Variants in ACVR2A observed in about 807,000 individuals in gnomAD.
ACVR2A encodes the protein activin A receptor type 2A, also known as activin receptor type-2A.
In ACVR2A, 7 loss-of-function variants were observed where a neutral mutation model predicts 61.4. The observed-to-expected ratio is 0.11, with a 90% CI of 0.06 to 0.21. The LOEUF (loss-of-function observed/expected upper bound fraction) is 0.21. Ranked by LOEUF, ACVR2A falls within the 10% of genes least tolerant of loss-of-function variation. The probability of loss-of-function intolerance (pLI) is 1.00; values close to 1 mark genes in which losing one functional copy is unlikely to be tolerated. For missense variants in ACVR2A, 322 were observed against 621.7 expected, an observed-to-expected ratio of 0.52 and a Z score of 5.13; for synonymous variants, 193 against 208.3, an observed-to-expected ratio of 0.93 and a Z score of 0.63.
chr2:147,867,149 T>G (rs1685877127), intron 1 of ACVR2A, among the ~76,000 whole-genome samples: 1 of 152,208 alleles, frequency 6.6e-6, no homozygotes, highest in South Asian at 2.1e-4. Flanking sequence ...TTTGTAACTT[T>G]ACCAAGAGAC....
intron 9 of ACVR2A, among the ~76,000 whole-genome samples, chr2:147,924,722 A>T (rs1687462695): frequency 1.3e-5 from 2 of 151,954 alleles, no homozygotes; most frequent in Admixed American, 1.3e-4. Flanking sequence ...TGTTTGTTAA[A>T]TGAAGTAATT....
intron 8 of ACVR2A, among the ~76,000 whole-genome samples, chr2:147,920,999 A>G (rs1687367204): frequency 6.6e-6 from 1 of 152,086 alleles, no homozygotes; most frequent in East Asian, 1.9e-4. Context: ...GCTGGAAAAG[A>G]TGTTTTCATT....
chr2:147,908,480 A>C (rs182542882), intron 4 of ACVR2A, among the ~76,000 whole-genome samples: 3 of 152,292 alleles, frequency 2.0e-5, no homozygotes, highest in Admixed American at 2.0e-4. Flanking sequence ...AGTAGGAATT[A>C]TCACAGAGGA....
intron 1 of ACVR2A, among the ~76,000 whole-genome samples, chr2:147,878,829 A>G (rs552640213): frequency 6.6e-6 from 1 of 152,228 alleles, no homozygotes; most frequent in Admixed American, 6.5e-5. Context: ...AGATCAATTG[A>G]GCCCAGCAGG....
At chr2:147,875,332 G>A (rs1686125411) in intron 1 of ACVR2A, among the ~76,000 whole-genome samples, 1 of 151,876 alleles carries the variant, frequency 6.6e-6, no homozygotes, top group Non-Finnish European at 1.5e-5. Context: ...TACTTTATGG[G>A]GATAAAATAC....
chr2:147,915,443 TG>T lies in ACVR2A; in HGVS notation c.672+110del, dbSNP rs970267899. ...CCATATGTACCAAGGTGGTTCTTTG[TG>T]ATACTGGGGAAAGCAGTTAGCTCTT... On this transcript the variant is annotated intron_variant, in intron 5 of 10. Coordinates refer to ENST00000241416, the MANE Select transcript of ACVR2A (RefSeq NM_001616.5). 7.7e-6 allele frequency: 10 copies of T among 1,298,482 alleles called. No homozygotes were observed. The African/African-American group carries it at 1.4e-4, about 18-fold the overall frequency. The allele number at this position is 1,298,482 out of a possible 1,614,324, so 80.4% of individuals were successfully genotyped here. A position where few individuals can be genotyped will look rare whatever the true frequency, so the allele number is the denominator to read the frequency against.
intron 1 of ACVR2A, among the ~76,000 whole-genome samples, chr2:147,877,039 C>G (rs200299769): frequency 6.6e-6 from 1 of 151,812 alleles, no homozygotes; most frequent in Non-Finnish European, 1.5e-5. Flanking sequence ...TTCTTCTACA[C>G]GTCTTGATCG....
intron 1 of ACVR2A, among the ~76,000 whole-genome samples, chr2:147,854,080 A>G (rs967823249): frequency 6.6e-6 from 1 of 152,184 alleles, no homozygotes; most frequent in Admixed American, 6.5e-5. Flanking sequence ...ATTAAAAAAT[A>G]TAGATTTGGT....
chr2:147,921,625 T>C (rs1687384518), intron 8 of ACVR2A, among the ~76,000 whole-genome samples: 1 of 152,080 alleles, frequency 6.6e-6, no homozygotes, highest in Admixed American at 6.6e-5. Flanking sequence ...ACTGCAAATG[T>C]GTATGGGAAT....
At chr2:147,903,114 G>A (rs1364317664) in intron 4 of ACVR2A, among the ~76,000 whole-genome samples, 1 of 151,838 alleles carries the variant, frequency 6.6e-6, no homozygotes, top group Non-Finnish European at 1.5e-5. Context: ...TTAGTATTTT[G>A]TTCTGAAGAA....
At chr2:147,845,000 GTTTTTTTTTTTTTT>G (rs368783685), upstream of ACVR2A, 8 of 109,434 alleles carry the variant, frequency 7.3e-5, no homozygotes, top group Admixed American at 3.1e-4. Flanking sequence ...CCCAGTGAGC[GTTTTTTTTTTTTTT>G]TTTTTTTTTT....
chr2:147,890,413 A>G (rs1686554157), intron 1 of ACVR2A, among the ~76,000 whole-genome samples: 1 of 151,878 alleles, frequency 6.6e-6, no homozygotes. Context: ...GCATGTATAT[A>G]TATAGTGTAT....
chr2:147,849,639 G>A (rs1685400018), intron 1 of ACVR2A, among the ~76,000 whole-genome samples: 1 of 152,088 alleles, frequency 6.6e-6, no homozygotes, highest in Non-Finnish European at 1.5e-5. Flanking sequence ...GGTTTTAAGG[G>A]AGTTAACCTA....
chr2:147,890,506 T>A (rs1346930674), intron 1 of ACVR2A, among the ~76,000 whole-genome samples: 1 of 152,164 alleles, frequency 6.6e-6, no homozygotes, highest in Non-Finnish European at 1.5e-5. Context: ...CTCAGACATA[T>A]GAATGTGAGA....
At chr2:147,898,314 A>C (rs1195276679) in intron 2 of ACVR2A, 1 of 152,164 alleles carries the variant, frequency 6.6e-6, no homozygotes, top group Non-Finnish European at 1.5e-5. Context: ...ATGATAAAAG[A>C]AGAATGAAAT....
At position 147,918,533 on chromosome 2, in the gene ACVR2A, A is replaced by G. The variant is rs772176956; in HGVS notation, c.903A>G (p.Ala301=). ...HIAETMARGL[A]YLHEDIPGLK... ...CAGAAACCATGGCTAGAGGATTGGC[A>G]TATTTACATGAGGATATACCTGGCC... The change falls in exon 7 of 11, where the codon GCA becomes GCG. Residue 301 remains alanine (A), a synonymous_variant. Transcript: ENST00000241416. The G allele has an allele frequency of 2.5e-6, 4 of 1,612,650 alleles. No homozygotes were observed. Among genetic ancestry groups the G allele is most frequent in the East Asian group, 2.2e-5 (1 of 44,770 alleles).
intron 1 of ACVR2A, 84 bp downstream of exon 1, chr2:147,845,291 G>C: frequency 7.3e-7 from 1 of 1,373,850 alleles, no homozygotes; most frequent in African/African-American, 1.5e-5. Context: ...TGTTGAGTCG[G>C]AGAGTCCAGT....
In ACVR2A at chr2:147,926,177, A is replaced by T. The variant is rs754836410; in HGVS notation, c.1347+16A>T. 2 of 1,594,816 alleles carry T rather than the reference A, an allele frequency of 1.3e-6. No homozygotes were observed. Among genetic ancestry groups the T allele is most frequent in the Non-Finnish European group, 1.7e-6 (2 of 1,173,322 alleles). On this transcript the variant is annotated intron_variant, in intron 10 of 10. Transcript: ENST00000241416. The stretch of plus-strand genomic sequence containing the variant: ...GAAACATGCTGTAAGTTATCCAGTT[A>T]GCTTTTCATTTGAAATTCCAATAAA...
intron 1 of ACVR2A, among the ~76,000 whole-genome samples, chr2:147,856,309 C>T (rs1296224608): frequency 2.6e-5 from 4 of 152,138 alleles, no homozygotes; most frequent in Non-Finnish European, 5.9e-5. Flanking sequence ...AGATGTTAAA[C>T]TTTACTGAAT....
Sources: allele counts gnomAD v4.1 joint callset (sites outside exome capture counted in the v4.1 genomes callset), GRCh38; gene constraint gnomAD v4.1.1; transcripts MANE v1.5; gene names NCBI Gene and HGNC (gene_info 2026-07-23, HGNC 2026-07-21).